The following MMP16 variants were observed in gnomAD, a reference collection of about 807,000 sequenced individuals.
MMP16 encodes the protein matrix metallopeptidase 16, also known as matrix metalloproteinase-16.
MMP16 carries 12 observed loss-of-function variants against 67.8 expected under a neutral mutation model. The ratio of observed to expected loss-of-function variants is 0.18; its 90% CI spans 0.11 to 0.29. The LOEUF (loss-of-function observed/expected upper bound fraction) is 0.29, where lower values mean the gene tolerates loss of function less well. Among genes scored for constraint, MMP16 ranks in the 10% least tolerant of loss-of-function variants. The pLI, the probability that MMP16 is intolerant of heterozygous loss-of-function variation, is 1.00. For synonymous variants in MMP16, 249 were observed against 255.9 expected (o/e 0.97, Z 0.26); for missense variants, 475 against 765.7 (o/e 0.62, Z 4.48).
intron 1 of MMP16, among the ~76,000 whole-genome samples, chr8:88,221,551 C>T (rs948315856): frequency 7.2e-5 from 11 of 151,956 alleles, no homozygotes; most frequent in East Asian, 3.9e-4. Flanking sequence ...CAAATAATAA[C>T]CCCAGAGAGA....
intron 4 of MMP16, among the ~76,000 whole-genome samples, chr8:88,149,835 A>C: frequency 6.6e-6 from 1 of 150,832 alleles, no homozygotes; most frequent in Non-Finnish European, 1.5e-5. Flanking sequence ...GCAGTTCCTC[A>C]CCAGCAACGG....
At chr8:88,092,400 T>C (rs1023663255) in intron 6 of MMP16, among the ~76,000 whole-genome samples, 3 of 151,954 alleles carry the variant, frequency 2.0e-5, no homozygotes, top group African/African-American at 7.2e-5. Flanking sequence ...GAAACTACAG[T>C]ATCTTCCTTT....
chr8:88,117,981 A>G (rs1300209627), intron 5 of MMP16, among the ~76,000 whole-genome samples: 1 of 152,104 alleles, frequency 6.6e-6, no homozygotes, highest in East Asian at 1.9e-4. Flanking sequence ...AAATGTCTTT[A>G]TAAAGGTCAA....
chr8:88,192,219 A>T (rs1334953444), intron 2 of MMP16, among the ~76,000 whole-genome samples: 1 of 152,216 alleles, frequency 6.6e-6, no homozygotes, highest in Non-Finnish European at 1.5e-5. Context: ...TTTTAAAAGT[A>T]AATTAACTTA....
intron 1 of MMP16, among the ~76,000 whole-genome samples, chr8:88,294,510 C>CTA (rs1810981206): frequency 4.8e-5 from 7 of 146,036 alleles, no homozygotes; most frequent in Non-Finnish European, 9.0e-5. Context: ...GTATATGTCT[C>CTA]TACACACACA....
intron 1 of MMP16, among the ~76,000 whole-genome samples, chr8:88,244,096 T>C (rs1252201293): frequency 6.6e-6 from 1 of 152,038 alleles, no homozygotes; most frequent in Non-Finnish European, 1.5e-5. Context: ...CTGACGTGTT[T>C]CCTTTGTTCA....
At chr8:88,213,793 A>G (rs1166558567) in intron 1 of MMP16, among the ~76,000 whole-genome samples, 1 of 152,224 alleles carries the variant, frequency 6.6e-6, no homozygotes, top group African/African-American at 2.4e-5. Flanking sequence ...CACTTAGAAT[A>G]GTAAAAATTA....
chr8:88,302,889 C>T (rs1403886989), intron 1 of MMP16, among the ~76,000 whole-genome samples: 1 of 152,204 alleles, frequency 6.6e-6, no homozygotes, highest in African/African-American at 2.4e-5. Context: ...GGAGGGGCAA[C>T]AGCCTAGCCA....
chr8:88,312,952 C>T (rs1178221560), intron 1 of MMP16, among the ~76,000 whole-genome samples: 1 of 151,686 alleles, frequency 6.6e-6, no homozygotes, highest in African/African-American at 2.4e-5. Flanking sequence ...CCAGCCTGGG[C>T]AATAAAGAGC....
chr8:88,318,446 T>C (rs1046292968), intron 1 of MMP16, among the ~76,000 whole-genome samples: 6 of 152,188 alleles, frequency 3.9e-5, no homozygotes, highest in Admixed American at 2.6e-4. Flanking sequence ...CAGGATGGGT[T>C]AATATTTTTC....
At chr8:88,102,383 A>G (rs1391285968) in intron 6 of MMP16, among the ~76,000 whole-genome samples, 1 of 151,906 alleles carries the variant, frequency 6.6e-6, no homozygotes, top group African/African-American at 2.4e-5. Context: ...TACAAAGGAT[A>G]TGACAAAGAT....
intron 6 of MMP16, among the ~76,000 whole-genome samples, chr8:88,106,746 T>C (rs530458394): frequency 1.3e-4 from 20 of 151,440 alleles, no homozygotes; most frequent in Non-Finnish European, 2.2e-4. Context: ...TTAAAATGCA[T>C]ATGAATCTCT....
chr8:88,148,357 T>C (rs1586175044), intron 4 of MMP16, among the ~76,000 whole-genome samples: 3 of 152,348 alleles, frequency 2.0e-5, no homozygotes, highest in Admixed American at 2.0e-4. Flanking sequence ...TTCTCATTCA[T>C]GATAATGTTT....
chr8:88,221,652 A>T (rs1324676064), intron 1 of MMP16, among the ~76,000 whole-genome samples: 2 of 152,056 alleles, frequency 1.3e-5, no homozygotes, highest in African/African-American at 2.4e-5. Context: ...ATAAAATATG[A>T]CCAGTAGACA....
intron 6 of MMP16, among the ~76,000 whole-genome samples, chr8:88,091,887 T>C (rs1808944055): frequency 1.3e-5 from 2 of 151,854 alleles, no homozygotes; most frequent in Non-Finnish European, 2.9e-5. Context: ...GCTATCATAC[T>C]GGGTAGCACG....
At chr8:88,326,680 T>G (rs1811544119) in intron 1 of MMP16, among the ~76,000 whole-genome samples, 1 of 152,184 alleles carries the variant, frequency 6.6e-6, no homozygotes, top group Non-Finnish European at 1.5e-5. Flanking sequence ...GGGAGAAAGA[T>G]TTCAGGAACA....
At chr8:88,283,938 G>A (rs1024153476) in intron 1 of MMP16, among the ~76,000 whole-genome samples, 3 of 152,172 alleles carry the variant, frequency 2.0e-5, no homozygotes, top group Non-Finnish European at 4.4e-5. Context: ...GCATCAAATG[G>A]TGCTAAAAGT....
At chr8:88,180,280 T>C (rs1808958562) in intron 3 of MMP16, among the ~76,000 whole-genome samples, 1 of 143,506 alleles carries the variant, frequency 7.0e-6, no homozygotes, top group Non-Finnish European at 1.5e-5. Context: ...AAACTCCGTC[T>C]CAAAAAAAAA....
chr8:88,308,911 A>C (rs541724290), intron 1 of MMP16, among the ~76,000 whole-genome samples: 1 of 152,106 alleles, frequency 6.6e-6, no homozygotes, highest in Non-Finnish European at 1.5e-5. Flanking sequence ...GAAAGTCTTC[A>C]TAATTTAAAA....
Sources: gnomAD v4.1 joint callset for allele counts (sites outside exome capture counted in the v4.1 genomes callset) on GRCh38, gnomAD v4.1.1 for gene constraint, MANE v1.5 for transcripts, NCBI Gene and HGNC (gene_info 2026-07-23, HGNC 2026-07-21) for gene names.